The following NXN variants were observed in gnomAD, a reference collection of about 807,000 sequenced individuals.
NXN encodes the protein nucleoredoxin 1.
In NXN, 16 loss-of-function variants were observed where a neutral mutation model predicts 48.6. The observed-to-expected ratio is 0.33, with a 90% confidence interval of 0.22 to 0.50. The LOEUF (loss-of-function observed/expected upper bound fraction) is 0.50, where lower values mean the gene tolerates loss of function less well. Among genes scored for constraint, NXN ranks in the 20% least tolerant of loss-of-function variants. The probability of loss-of-function intolerance (pLI) is 0.98; values close to 1 mark genes in which losing one functional copy is unlikely to be tolerated. For synonymous variants in NXN, 281 were observed against 269.6 expected, an observed-to-expected ratio of 1.04 and a Z score of -0.41; for missense variants, 492 against 605.5, an observed-to-expected ratio of 0.81 and a Z score of 1.97.
At position 875,262 on chromosome 17, in the gene NXN, CCTCAGGTGATCCTCCCAT is replaced by C. The variant is rs2068201812; in HGVS notation, c.361-49202_361-49185del. On this transcript the variant is annotated intron_variant, in intron 1 of 7. Coordinates refer to ENST00000336868, the MANE Select transcript of NXN (RefSeq NM_022463.5). Reference sequence around the variant, plus strand: ...GGCCAGGCTGGTCTTGAACTCCTGACCTCAGGTGATCCTCCCATCTCAGGCTCCCAACCTACTGGGATT... The same window carrying C: ...GGCCAGGCTGGTCTTGAACTCCTGACCTCAGGCTCCCAACCTACTGGGATT... Among the ~76,000 whole-genome samples the C allele has an allele frequency of 2.0e-5, 3 of 152,032 alleles. No homozygotes were observed. In the South Asian group the frequency reaches 6.2e-4, roughly 31 times the overall value.
At chr17:852,159 A>G (rs755944765) in intron 1 of NXN, among the ~76,000 whole-genome samples, 1 of 152,198 alleles carries the variant, frequency 6.6e-6, no homozygotes, top group African/African-American at 2.4e-5. Flanking sequence ...CAGCCTCTAG[A>G]AGGCTCTTGG....
chr17:841,268 C>T (rs547498642), intron 1 of NXN, among the ~76,000 whole-genome samples: 13 of 152,352 alleles, frequency 8.5e-5, no homozygotes, highest in South Asian at 2.1e-4. Flanking sequence ...GCCCCGCATG[C>T]GGCCCTCACG....
intron 1 of NXN, chr17:864,221 G>A: frequency 7.9e-7 from 1 of 1,258,222 alleles, no homozygotes; most frequent in Admixed American, 2.1e-5. Flanking sequence ...GGGCATTCAT[G>A]GTACTTGTCT....
intron 1 of NXN, among the ~76,000 whole-genome samples, chr17:951,204 G>C (rs1425816781): frequency 2.2e-5 from 2 of 89,710 alleles, no homozygotes; most frequent in Admixed American, 1.3e-4. Context: ...AAAAAAAAAA[G>C]CTGGGCGTGG....
At chr17:823,322 C>T (rs375518433) in intron 3 of NXN, among the ~76,000 whole-genome samples, 1 of 151,694 alleles carries the variant, frequency 6.6e-6, no homozygotes, top group African/African-American at 2.4e-5. Flanking sequence ...TCACTTGAAC[C>T]CAGGAGGCAA....
chr17:843,006 G>GAAAGAA (rs1302027670), intron 1 of NXN, among the ~76,000 whole-genome samples: 111 of 96,050 alleles, frequency 1.2e-3, no homozygotes, highest in East Asian at 4.2e-3. Flanking sequence ...GAGAGAAAGA[G>GAAAGAA]AGAAAGAAAG....
At chr17:903,798 C>T (rs959288756) in intron 1 of NXN, among the ~76,000 whole-genome samples, 5 of 152,146 alleles carry the variant, frequency 3.3e-5, no homozygotes, top group African/African-American at 9.7e-5. Context: ...AAGGAGCTGC[C>T]GGAAGTCATA....
Position 979,456 on chromosome 17 carries a change from C to A in NXN, c.223G>T (p.Gly75Trp). Residue 75 changes from glycine (G) to tryptophan (W), a missense_variant, in exon 1 of 8, where the codon GGG (glycine) becomes TGG (tryptophan). By Grantham distance (184) the Gly-to-Trp change is radical. Transcript: ENST00000336868. ...AAGPGPGAGAGAAAEPEPRRR... is the reference protein window; with the variant it reads ...AAGPGPGAGAWAAAEPEPRRR... ...CGCGGCTCGGGCTCCGCCGCCGCCC[C>A]GGCCCCCGCTCCCGGCCCCGGCCCG... is the stretch of plus-strand genomic sequence containing the variant. 8.2e-7 allele frequency: 1 copy of A among 1,221,746 alleles called. No homozygotes were observed. The allele number at this position is 1,221,746 out of a possible 1,614,324, so 75.7% of individuals were successfully genotyped here.
intron 1 of NXN, among the ~76,000 whole-genome samples, chr17:957,037 G>A (rs766653755): frequency 4.6e-5 from 7 of 152,174 alleles, no homozygotes; most frequent in Non-Finnish European, 8.8e-5. Context: ...TTTGAAAGCT[G>A]GGACTGAGTC....
chr17:801,272 GGAA>G (rs1911190201), intron 7 of NXN, 141 bp from the exon 8 acceptor site: 2 of 537,786 alleles, frequency 3.7e-6, no homozygotes, highest in Non-Finnish European at 5.8e-6. Context: ...TCCCAGCCTG[GGAA>G]GGAGGGAACC....
intron 4 of NXN, among the ~76,000 whole-genome samples, chr17:820,181 A>T (rs1912745090): frequency 6.6e-6 from 1 of 152,068 alleles, no homozygotes. Context: ...TGAACTGTGT[A>T]CCTTTGTTCC....
rs894544814 is a variant in NXN, at chr17:817,895, T to C, written c.820+1544A>G. ...TACCTGCTTTGTGAAGAGAAAAACC[T>C]GGCTGGGTGAAGGCTGGGAAGGAGG... On this transcript the variant is annotated intron_variant, in intron 5 of 7. Transcript: ENST00000336868. 3.9e-5 allele frequency among the ~76,000 whole-genome samples: 6 copies of C among 152,108 alleles called. No homozygotes were observed. In the South Asian group the frequency reaches 1.0e-3, roughly 26 times the overall value.
At chr17:812,902 G>A (rs79347470) in intron 5 of NXN, among the ~76,000 whole-genome samples, 4,424 of 145,274 alleles carry the variant, frequency 0.03, 239 homozygotes, top group African/African-American at 0.11. Context: ...GTAGGTGTGT[G>A]CATGTGTGAC....
chr17:856,248 A>C (rs2144764559), intron 1 of NXN, among the ~76,000 whole-genome samples: 2 of 152,216 alleles, frequency 1.3e-5, no homozygotes, highest in Middle Eastern at 6.8e-3. Context: ...ATTTTGCATC[A>C]TGGCCGAGGA....
At chr17:817,277 T>A (rs1347711314) in intron 5 of NXN, among the ~76,000 whole-genome samples, 4 of 152,166 alleles carry the variant, frequency 2.6e-5, no homozygotes, top group Non-Finnish European at 5.9e-5. Flanking sequence ...GTACTTGGGA[T>A]TGAGAAGCAC....
At chr17:940,700 C>A (rs1184002276) in intron 1 of NXN, among the ~76,000 whole-genome samples, 1 of 151,428 alleles carries the variant, frequency 6.6e-6, no homozygotes, top group African/African-American at 2.4e-5. Flanking sequence ...AGGGTGCAGC[C>A]ATGAATTCAC....
At chr17:962,775 G>A (rs752048058) in intron 1 of NXN, among the ~76,000 whole-genome samples, 1 of 152,106 alleles carries the variant, frequency 6.6e-6, no homozygotes, top group Non-Finnish European at 1.5e-5. Context: ...ATCTGAATGC[G>A]CTTGGAAGCG....
chr17:941,566 A>C (rs1180667166), intron 1 of NXN, among the ~76,000 whole-genome samples: 2 of 46,758 alleles, frequency 4.3e-5, no homozygotes, highest in Admixed American at 2.4e-4. Flanking sequence ...ATGAACTCAC[A>C]TCACACCTTC....
chr17:908,368 T>G (rs1381434917), intron 1 of NXN, among the ~76,000 whole-genome samples: 5 of 151,646 alleles, frequency 3.3e-5, no homozygotes, highest in Admixed American at 3.3e-4. Context: ...AAACCCCATC[T>G]CTACTAAAAA....
Sources: allele counts gnomAD v4.1 joint callset (sites outside exome capture counted in the v4.1 genomes callset), GRCh38; gene constraint gnomAD v4.1.1; transcripts MANE v1.5; gene names NCBI Gene and HGNC (gene_info 2026-07-23, HGNC 2026-07-21).